Variants in ZAN observed in about 807,000 individuals in gnomAD.
The protein encoded by ZAN is zonadhesin (gene/pseudogene).
In ZAN, 260 loss-of-function variants were observed where a neutral mutation model predicts 286.2. The ratio of observed to expected loss-of-function variants is 0.91; its 90% CI spans 0.82 to 1.01. ZAN has a LOEUF of 1.01. Among genes scored for constraint, ZAN ranks in the 50% least tolerant of loss-of-function variants. The pLI is 0.00. For synonymous variants in ZAN, 1,368 were observed against 1,417.5 expected (o/e 0.97, Z 0.79); for missense variants, 3,410 against 3,639.2 (o/e 0.94, Z 1.62).
chr7:100,749,652 ATATATAT>A (rs1356615183), intron 11 of ZAN, among the ~76,000 whole-genome samples: 2 of 104,658 alleles, frequency 1.9e-5, no homozygotes, highest in Admixed American at 1.0e-4. Flanking sequence ...AAAAAAAAAA[ATATATAT>A]ATATATATAT....
intron 31 of ZAN, among the ~76,000 whole-genome samples, 198 bp from the exon 32 acceptor site, chr7:100,775,130 A>C (rs1419614390): frequency 6.6e-6 from 1 of 151,872 alleles, no homozygotes; most frequent in Non-Finnish European, 1.5e-5. Context: ...GGTTTTTACC[A>C]TGTTGGTCAG....
chr7:100,749,109 G>A (rs1274076461), intron 11 of ZAN, among the ~76,000 whole-genome samples: 1 of 151,966 alleles, frequency 6.6e-6, no homozygotes, highest in East Asian at 1.9e-4. Flanking sequence ...GGAGGCCGAG[G>A]CAGGTGGATC....
At chr7:100,794,307 G>A (rs368244775) in intron 44 of ZAN, 49 bp downstream of exon 44, 167 of 1,542,012 alleles carry the variant, frequency 1.1e-4, no homozygotes, top group African/African-American at 1.0e-3. Context: ...GCCCTGGGGC[G>A]TCCATGGACC....
intron 34 of ZAN, among the ~76,000 whole-genome samples, chr7:100,776,960 C>G (rs867143387): frequency 1.7e-4 from 25 of 149,272 alleles, no homozygotes; most frequent in African/African-American, 6.1e-4. Context: ...TCTCGATCTT[C>G]TGACCTCGTG....
Position 100,750,754 on chromosome 7 carries a change from G to C in ZAN, c.1379G>C (p.Gly460Ala). ...TTCGCATACCACATGTATGGCCTTG[G>C]GGAGGGTACTATGCTCGAACTCCTC... ...VEFAYHMYGL[G>A]EGTMLELLLG... The change falls in exon 12 of 48, where the codon GGG (glycine) becomes GCG (alanine). Residue 460 changes from glycine to alanine, a missense_variant. Coordinates refer to ENST00000613979, the MANE Select transcript of ZAN (RefSeq NM_003386.3). 1 of 1,613,274 alleles carries C rather than the reference G, an allele frequency of 6.2e-7. No homozygotes were observed. Among genetic ancestry groups the C allele is most frequent in the African/African-American group, 1.3e-5 (1 of 75,054 alleles).
chr7:100,772,231 A>C (rs1262120085), intron 29 of ZAN, among the ~76,000 whole-genome samples: 1 of 150,428 alleles, frequency 6.6e-6, no homozygotes, highest in African/African-American at 2.4e-5. Context: ...CAGGAGTTGG[A>C]GACCAGCCTG....
rs1218016304 is a variant in ZAN at position 100,734,151 on chromosome 7, C to T, written c.-18C>T. The T allele has an allele frequency of 1.4e-6, 2 of 1,445,090 alleles. 1 individual carries two copies. Among genetic ancestry groups the T allele is most frequent in the Admixed American group, 4.1e-5 (2 of 48,304 alleles). The allele number at this position is 1,445,090 out of a possible 1,614,324, so 89.5% of individuals were successfully genotyped here. The stretch of plus-strand genomic sequence containing the variant: ...GTGCCCTTCCCCTCTCCCCTGGGAG[C>T]AACCACTTAGGGTCCTCATGGTTCC... On this transcript the variant is annotated 5_prime_UTR_variant, in exon 2 of 48. Coordinates refer to ENST00000613979, the MANE Select transcript of ZAN (RefSeq NM_003386.3).
chr7:100,746,815 C>T (rs1173333813), intron 8 of ZAN, 113 bp downstream of exon 8: 15 of 1,246,812 alleles, frequency 1.2e-5, no homozygotes, highest in South Asian at 7.6e-5. Flanking sequence ...GGAATATGTG[C>T]GAGACTATTC....
chr7:100,795,076 C>G, intron 44 of ZAN, 120 bp from the exon 45 acceptor site: 1 of 1,341,968 alleles, frequency 7.5e-7, no homozygotes, highest in Non-Finnish European at 1.0e-6. Context: ...TGGCTGACCC[C>G]TGGCCAGTCT....
At chr7:100,774,086 A>T (rs75734008) in intron 31 of ZAN, among the ~76,000 whole-genome samples, 3,530 of 152,222 alleles carry the variant, frequency 0.023, 48 homozygotes, top group Middle Eastern at 0.037. Flanking sequence ...CTTAGATGGG[A>T]TATTATAAAT....
intron 15 of ZAN, among the ~76,000 whole-genome samples, chr7:100,757,362 C>T (rs973805011): frequency 8.5e-5 from 13 of 152,218 alleles, no homozygotes; most frequent in African/African-American, 3.1e-4. Context: ...CTCATAATGC[C>T]CTCAGATTCA....
At chr7:100,757,446 C>A (rs921161487) in intron 15 of ZAN, among the ~76,000 whole-genome samples, 1 of 152,072 alleles carries the variant, frequency 6.6e-6, no homozygotes, top group African/African-American at 2.4e-5. Flanking sequence ...CATGGGAGGG[C>A]TAAGATGTTG....
chr7:100,735,759 C>G lies in ZAN; in HGVS notation c.93C>G (p.Ser31Arg), dbSNP rs2115564477. The G allele has an allele frequency of 6.6e-7, 1 of 1,506,136 alleles. No individual in the cohort carries two copies. The highest frequency in any genetic ancestry group is 2.3e-5 in the East Asian group (1 of 43,440). The allele number at this position is 1,506,136 out of a possible 1,614,324, so 93.3% of individuals were successfully genotyped here. A position where few individuals can be genotyped will look rare whatever the true frequency, so the allele number is the denominator to read the frequency against. The change falls in exon 3 of 48, where the codon AGC becomes AGG. Residue 31 changes from serine to arginine, a missense_variant. Coordinates refer to ENST00000613979, the MANE Select transcript of ZAN (RefSeq NM_003386.3). ...KPPDQKLVVRSSRDNYVLTQC... is the reference protein window; with the variant it reads ...KPPDQKLVVRRSRDNYVLTQC... ...CGGACCAGAAGCTGGTTGTTCGCAG[C>G]TCTAGGGACAACTGTGAGTTGGAAA...
At chr7:100,787,495 G>A (rs1480082016) in intron 37 of ZAN, among the ~76,000 whole-genome samples, 1 of 152,160 alleles carries the variant, frequency 6.6e-6, no homozygotes, top group Non-Finnish European at 1.5e-5. Flanking sequence ...CACAGGGGAT[G>A]CCACCGTGGG....
chr7:100,795,974 A>G (rs1812335300), intron 45 of ZAN, among the ~76,000 whole-genome samples: 1 of 151,610 alleles, frequency 6.6e-6, no homozygotes, highest in Admixed American at 6.6e-5. Context: ...CCAGCTACTC[A>G]GAGGCTGAGG....
At position 100,795,203 on chromosome 7, in the gene ZAN, G is replaced by C; in HGVS notation, c.8133G>C (p.Pro2711=). 6.2e-7 allele frequency: 1 copy of C among 1,607,794 alleles called. No individual in the cohort carries two copies. Among genetic ancestry groups the C allele is most frequent in the Non-Finnish European group, 8.5e-7 (1 of 1,177,126 alleles). ...NHTQGCFPES[P]CLQNPCQNDG... is the part of the protein sequence containing the mutation. ...CCCTCTCTGTCCTTGCAGAAAGCCCGTGTCTGCAGAACCCCTGTCAGAATG... is the reference window on the plus strand; with the variant it reads ...CCCTCTCTGTCCTTGCAGAAAGCCCCTGTCTGCAGAACCCCTGTCAGAATG... Residue 2711 remains proline (P), a synonymous_variant, in exon 45 of 48, where the codon CCG becomes CCC. Transcript: ENST00000613979.
At chr7:100,772,922 A>G (rs1179342479) in intron 29 of ZAN, among the ~76,000 whole-genome samples, 1 of 132,450 alleles carries the variant, frequency 7.6e-6, no homozygotes, top group Non-Finnish European at 1.5e-5. Context: ...CCCAGGCTGG[A>G]GTGCAGTGGT....
intron 17 of ZAN, 101 bp downstream of exon 17, chr7:100,758,751 G>A: frequency 6.7e-7 from 1 of 1,494,036 alleles, no homozygotes; most frequent in Non-Finnish European, 8.9e-7. Context: ...GGGCACAGAT[G>A]GGGGAAGAGG....
In ZAN at chr7:100,735,695, T is replaced by C; in HGVS notation, c.54-25T>C. The C allele has an allele frequency of 8.8e-6, 13 of 1,482,840 alleles. 2 individuals are homozygous for C. The highest frequency in any genetic ancestry group is 1.1e-5 in the Non-Finnish European group (12 of 1,080,414). The allele number at this position is 1,482,840 out of a possible 1,614,324, so 91.9% of individuals were successfully genotyped here. On this transcript the variant is annotated intron_variant, in intron 2 of 47. Coordinates refer to ENST00000613979, the MANE Select transcript of ZAN (RefSeq NM_003386.3). Reference sequence around the variant, plus strand: ...CTTGATAATGACACGAGTTGCATTTTTGCTTTCTTCAAACGACCCCCAAGG... The same window carrying C: ...CTTGATAATGACACGAGTTGCATTTCTGCTTTCTTCAAACGACCCCCAAGG...
Sources: allele counts gnomAD v4.1 joint callset (sites outside exome capture counted in the v4.1 genomes callset), GRCh38; gene constraint gnomAD v4.1.1; transcripts MANE v1.5; gene names NCBI Gene and HGNC (gene_info 2026-07-23, HGNC 2026-07-21).